Variants in CNTLN observed in about 807,000 individuals in gnomAD.
The protein encoded by CNTLN is centlein, also known as centlein, centrosomal protein.
CNTLN carries 212 observed loss-of-function variants against 180.0 expected under a neutral mutation model. The ratio of observed to expected loss-of-function variants is 1.18; its 90% CI spans 1.05 to 1.32. The LOEUF is 1.32. Among genes scored for constraint, CNTLN ranks in the 40% most tolerant of loss-of-function variants. The pLI, the probability that CNTLN is intolerant of heterozygous loss-of-function variation, is 0.00. For synonymous variants in CNTLN, 722 were observed against 563.1 expected, an observed-to-expected ratio of 1.28 and a Z score of -3.99; for missense variants, 2,095 against 1,610.9, an observed-to-expected ratio of 1.30 and a Z score of -5.14.
chr9:17,426,662 T>C (rs375398867), intron 18 of CNTLN, among the ~76,000 whole-genome samples: 1 of 152,148 alleles, frequency 6.6e-6, no homozygotes, highest in South Asian at 2.1e-4. Context: ...TTAATCATTT[T>C]AAACAAACTT....
intron 14 of CNTLN, among the ~76,000 whole-genome samples, chr9:17,389,347 C>G (rs970761263): frequency 6.6e-6 from 1 of 152,034 alleles, no homozygotes; most frequent in Non-Finnish European, 1.5e-5. Context: ...AGCTTATCAC[C>G]GTTTTTTCAG....
At chr9:17,449,664 A>G (rs911767141) in intron 18 of CNTLN, among the ~76,000 whole-genome samples, 1 of 152,238 alleles carries the variant, frequency 6.6e-6, no homozygotes, top group South Asian at 2.1e-4. Context: ...TAAATTTCAC[A>G]TATAACGTGT....
chr9:17,184,444 G>A (rs111424898), intron 2 of CNTLN, among the ~76,000 whole-genome samples: 4,884 of 152,118 alleles, frequency 0.032, 196 homozygotes, highest in African/African-American at 0.096. Context: ...AAAATCATAC[G>A]TTATGCATAA....
At chr9:17,326,060 C>CT (rs1587664095) in intron 8 of CNTLN, among the ~76,000 whole-genome samples, 1 of 152,020 alleles carries the variant, frequency 6.6e-6, no homozygotes, top group East Asian at 1.9e-4. Context: ...CCCATGCCTT[C>CT]TATTCTATTT....
At chr9:17,336,956 C>T (rs910838348) in intron 10 of CNTLN, among the ~76,000 whole-genome samples, 2 of 152,178 alleles carry the variant, frequency 1.3e-5, no homozygotes, top group African/African-American at 2.4e-5. Context: ...TTCTGTTTCT[C>T]CACATCCTCT....
intron 6 of CNTLN, among the ~76,000 whole-genome samples, chr9:17,290,603 C>G (rs956804285): frequency 7.8e-5 from 11 of 141,524 alleles, no homozygotes; most frequent in African/African-American, 2.0e-4. Flanking sequence ...CGCCCCTCCC[C>G]CAGCCTGGCT....
chr9:17,143,423 T>G, intron 2 of CNTLN, 47 bp downstream of exon 2: 2 of 1,358,196 alleles, frequency 1.5e-6, no homozygotes, highest in African/African-American at 1.4e-5. Context: ...GTGTTGAGTT[T>G]GTTTCTCTTC....
rs143264480 is a variant in CNTLN at position 17,215,893 on chromosome 9, C to T, written c.450-10310C>T. On this transcript the variant is annotated intron_variant, in intron 2 of 25. Coordinates refer to ENST00000380647, the MANE Select transcript of CNTLN (RefSeq NM_017738.4). Reference sequence around the variant, plus strand: ...CTCCTGGTGTGCCGTATGCTAAGACCGTTGGAAAAGCGCAGTATTAGGGTG... The same window carrying T: ...CTCCTGGTGTGCCGTATGCTAAGACTGTTGGAAAAGCGCAGTATTAGGGTG... 3.0e-4 allele frequency among the ~76,000 whole-genome samples: 45 copies of T among 152,240 alleles called. 1 individual carries two copies. Among genetic ancestry groups the T allele is most frequent in the African/African-American group, 8.2e-4 (34 of 41,552 alleles).
intron 5 of CNTLN, among the ~76,000 whole-genome samples, chr9:17,245,757 CTG>C (rs550802163): frequency 8.7e-4 from 132 of 151,898 alleles, no homozygotes; most frequent in African/African-American, 3.2e-3. Flanking sequence ...TCTCCTCTAA[CTG>C]TGTATTTTCA....
chr9:17,399,598 T>A (rs990111168), intron 15 of CNTLN, among the ~76,000 whole-genome samples: 5 of 152,222 alleles, frequency 3.3e-5, no homozygotes, highest in African/African-American at 9.6e-5. Context: ...CTTTCCATCT[T>A]CCTTCCATTT....
chr9:17,291,275 A>G (rs1321371622), intron 6 of CNTLN, among the ~76,000 whole-genome samples: 2 of 152,170 alleles, frequency 1.3e-5, no homozygotes, highest in Non-Finnish European at 2.9e-5. Context: ...AGAAGAATAT[A>G]TATTCCATTG....
intron 5 of CNTLN, among the ~76,000 whole-genome samples, chr9:17,266,178 G>T (rs1194232072): frequency 6.6e-6 from 1 of 152,112 alleles, no homozygotes; most frequent in South Asian, 2.1e-4. Flanking sequence ...GGCATTTAGT[G>T]CTATAAATTT....
intron 2 of CNTLN, among the ~76,000 whole-genome samples, chr9:17,172,370 T>G (rs930780151): frequency 6.6e-6 from 1 of 152,196 alleles, no homozygotes; most frequent in South Asian, 2.1e-4. Context: ...ACTTCTTCTT[T>G]GTTCCTAGTT....
chr9:17,317,503 C>T lies in CNTLN; in HGVS notation c.1341+8251C>T, dbSNP rs10963028. ...TTGGTGATGAAGAGCTGTTAGGGAA[C>T]AAAACAAGGCCTTTGTGCTCATGGA... is the stretch of plus-strand genomic sequence containing the variant. On this transcript the variant is annotated intron_variant, in intron 8 of 25. Coordinates refer to ENST00000380647, the MANE Select transcript of CNTLN (RefSeq NM_017738.4). Among the ~76,000 whole-genome samples, 576 of 152,076 alleles carry T rather than the reference C, an allele frequency of 3.8e-3. 4 individuals are homozygous for T. Among genetic ancestry groups the T allele is most frequent in the African/African-American group, 0.013 (551 of 41,406 alleles).
chr9:17,440,588 C>CAG (rs545301863), intron 18 of CNTLN, among the ~76,000 whole-genome samples: 1 of 114,668 alleles, frequency 8.7e-6, no homozygotes, highest in Non-Finnish European at 1.7e-5. Context: ...GACTCCGTCT[C>CAG]AAAAAAAAAA....
chr9:17,387,158 T>C (rs1825743479), intron 13 of CNTLN, among the ~76,000 whole-genome samples: 1 of 152,212 alleles, frequency 6.6e-6, no homozygotes, highest in South Asian at 2.1e-4. Flanking sequence ...TTAGTCACTG[T>C]TTATACCAGG....
At chr9:17,191,985 G>GT (rs1266415556) in intron 2 of CNTLN, among the ~76,000 whole-genome samples, 2 of 151,872 alleles carry the variant, frequency 1.3e-5, no homozygotes, top group African/African-American at 2.4e-5. Flanking sequence ...GTACTAAGCT[G>GT]TTTTTTTGAC....
intron 15 of CNTLN, among the ~76,000 whole-genome samples, chr9:17,407,578 G>A (rs1298426568): frequency 6.6e-6 from 1 of 152,142 alleles, no homozygotes; most frequent in Non-Finnish European, 1.5e-5. Flanking sequence ...AATACCAGTT[G>A]CACTGTACAA....
At chr9:17,439,529 A>G (rs1829985175) in intron 18 of CNTLN, among the ~76,000 whole-genome samples, 1 of 152,228 alleles carries the variant, frequency 6.6e-6, no homozygotes, top group South Asian at 2.1e-4. Flanking sequence ...ACAGATGGAA[A>G]CTTTTAGAAT....
Sources: gnomAD v4.1 joint callset for allele counts (sites outside exome capture counted in the v4.1 genomes callset) on GRCh38, gnomAD v4.1.1 for gene constraint, MANE v1.5 for transcripts, NCBI Gene and HGNC (gene_info 2026-07-23, HGNC 2026-07-21) for gene names.